The following PRDM5 variants were observed in gnomAD, a reference collection of about 807,000 sequenced individuals.
The protein encoded by PRDM5 is PR domain zinc finger protein 5.
PRDM5 carries 56 observed loss-of-function variants against 81.2 expected under a neutral mutation model. The observed-to-expected ratio is 0.69, with a 90% CI of 0.56 to 0.86. The LOEUF (loss-of-function observed/expected upper bound fraction) is 0.86, where lower values mean the gene tolerates loss of function less well. Ranked by LOEUF, PRDM5 falls within the 40% of genes least tolerant of loss-of-function variation. PRDM5 has a pLI of 0.00. For missense variants in PRDM5, 697 were observed against 770.1 expected (o/e 0.91, Z 1.12); for synonymous variants, 267 against 256.4 (o/e 1.04, Z -0.39).
intron 13 of PRDM5, among the ~76,000 whole-genome samples, chr4:120,767,671 A>C (rs1487019532): frequency 6.6e-6 from 1 of 152,218 alleles, no homozygotes; most frequent in Non-Finnish European, 1.5e-5. Context: ...TTTCCTCTGT[A>C]TGTTACTGCC....
At position 120,831,951 on chromosome 4, in the gene PRDM5, A is replaced by G. The variant is rs549465237; in HGVS notation, c.301-10606T>C. Among the ~76,000 whole-genome samples the G allele has an allele frequency of 4.6e-5, 7 of 152,238 alleles. No individual in the cohort carries two copies. In the South Asian group the frequency reaches 1.5e-3, roughly 32 times the overall value. ...GAGAGTGTCAACTAAATTATTATAT[A>G]AGCAAGTGTGAGGAACAGGCCCCCC... On this transcript the variant is annotated intron_variant, in intron 3 of 15. Transcript: ENST00000264808.
chr4:120,804,035 AG>A (rs1463623462), intron 8 of PRDM5, among the ~76,000 whole-genome samples: 1 of 152,198 alleles, frequency 6.6e-6, no homozygotes, highest in Non-Finnish European at 1.5e-5. Context: ...GAAAACAAAA[AG>A]GCAGGGTTGC....
intron 3 of PRDM5, among the ~76,000 whole-genome samples, chr4:120,823,179 GT>G (rs1335841009): frequency 6.6e-6 from 1 of 152,092 alleles, no homozygotes; most frequent in African/African-American, 2.4e-5. Flanking sequence ...CGTCATCCTA[GT>G]ATATTAGTGA....
chr4:120,694,880 G>T lies in PRDM5; in HGVS notation c.*231C>A. 3 of 512,132 alleles carry T rather than the reference G, an allele frequency of 5.9e-6. No homozygotes were observed. The highest frequency in any genetic ancestry group is 1.1e-5 in the Non-Finnish European group (3 of 284,686). 31.7% of individuals were successfully genotyped at this position (512,132 alleles called of 1,614,324 possible). ...ATTTTTATAAGACAGAGCACAAGTT[G>T]CATTTTGCAAGGCTATGGAGTTGTA... On this transcript the variant is annotated 3_prime_UTR_variant, in exon 16 of 16. Coordinates refer to ENST00000264808, the MANE Select transcript of PRDM5 (RefSeq NM_018699.4).
At chr4:120,776,550 A>G (rs907296) in intron 13 of PRDM5, among the ~76,000 whole-genome samples, 29,597 of 152,116 alleles carry the variant, frequency 0.19, 3,149 homozygotes, top group Non-Finnish European at 0.24. Flanking sequence ...CTGGCTATCA[A>G]TATTAATAGT....
At chr4:120,781,106 C>T (rs750363230) in intron 12 of PRDM5, 37 bp downstream of exon 12, 16 of 1,571,948 alleles carry the variant, frequency 1.0e-5, no homozygotes, top group Admixed American at 6.7e-5. Context: ...TGCTTAAACA[C>T]GTAATCTGTT....
Position 120,723,906 on chromosome 4 carries a change from A to G in PRDM5, c.1624-13493T>C, listed in dbSNP as rs916462316. Among the ~76,000 whole-genome samples, 3 of 148,038 alleles carry G rather than the reference A, an allele frequency of 2.0e-5. No homozygotes were observed. The South Asian group carries it at 6.4e-4, about 32-fold the overall frequency. ...AATGAAAATCAAAGTAAGTCTTACAAATTTAAGATAGCTTGAATTTTTTTT... is the reference window on the plus strand; with the variant it reads ...AATGAAAATCAAAGTAAGTCTTACAGATTTAAGATAGCTTGAATTTTTTTT... On this transcript the variant is annotated intron_variant, in intron 14 of 15. Transcript: ENST00000264808.
downstream of PRDM5, among the ~76,000 whole-genome samples, chr4:120,687,899 G>C (rs563474401): frequency 2.0e-5 from 3 of 152,024 alleles, no homozygotes; most frequent in African/African-American, 7.2e-5. Context: ...TGGACTTCCC[G>C]ACATCCAGAA....
At chr4:120,697,424 A>G (rs1424148007) in intron 15 of PRDM5, among the ~76,000 whole-genome samples, 1 of 152,194 alleles carries the variant, frequency 6.6e-6, no homozygotes, top group Non-Finnish European at 1.5e-5. Context: ...TGAAAATTAC[A>G]AATGACTTAT....
Position 120,885,156 on chromosome 4 carries a change from A to G in PRDM5, c.177+22318T>C, listed in dbSNP as rs1763292159. ...TATCAAAAAAAAAAAAAAAAAAAAA[A>G]GTAAAAAAGAAAAGAAAAGACATAC... On this transcript the variant is annotated intron_variant, in intron 2 of 15. Coordinates refer to ENST00000264808, the MANE Select transcript of PRDM5 (RefSeq NM_018699.4). Among the ~76,000 whole-genome samples, 5 of 130,812 alleles carry G rather than the reference A, an allele frequency of 3.8e-5. No individual in the cohort carries two copies. The South Asian group carries it at 1.1e-3, about 29-fold the overall frequency. 85.8% of individuals were successfully genotyped at this position (130,812 alleles called of 152,430 possible).
chr4:120,794,551 A>ACAT (rs1189812069), intron 10 of PRDM5, among the ~76,000 whole-genome samples: 1 of 150,260 alleles, frequency 6.7e-6, no homozygotes, highest in Non-Finnish European at 1.5e-5. Flanking sequence ...ACACACACAC[A>ACAT]CACACACATA....
intron 2 of PRDM5, among the ~76,000 whole-genome samples, chr4:120,858,581 G>GCGCGCGCA (rs898069455): frequency 2.0e-5 from 3 of 148,468 alleles, no homozygotes; most frequent in African/African-American, 7.3e-5. Context: ...GTGCGTGCGC[G>GCGCGCGCA]CGCACGCACG....
chr4:120,821,393 G>A lies in PRDM5; in HGVS notation c.301-48C>T, dbSNP rs766138102. On this transcript the variant is annotated intron_variant, in intron 3 of 15. Coordinates refer to ENST00000264808, the MANE Select transcript of PRDM5 (RefSeq NM_018699.4). The stretch of plus-strand genomic sequence containing the variant: ...CTGAACCATTCATTTGTTTCTGATA[G>A]TAATTAAGAAATAATTTTAAGATAC... 4.6e-6 allele frequency: 7 copies of A among 1,521,726 alleles called. No individual in the cohort carries two copies. In the South Asian group the frequency reaches 6.8e-5, roughly 15 times the overall value. The allele number at this position is 1,521,726 out of a possible 1,614,324, so 94.3% of individuals were successfully genotyped here. A position where few individuals can be genotyped will look rare whatever the true frequency, so the allele number is the denominator to read the frequency against.
intron 15 of PRDM5, among the ~76,000 whole-genome samples, chr4:120,701,903 T>C (rs1735432316): frequency 6.6e-6 from 1 of 152,220 alleles, no homozygotes; most frequent in Non-Finnish European, 1.5e-5. Flanking sequence ...TGCTGCAATA[T>C]ACATCTCTTC....
At chr4:120,911,186 C>T (rs528983497) in intron 1 of PRDM5, among the ~76,000 whole-genome samples, 1 of 152,272 alleles carries the variant, frequency 6.6e-6, no homozygotes, top group East Asian at 1.9e-4. Flanking sequence ...AAAACTTTTC[C>T]ACTCCAACTG....
chr4:120,904,197 A>AAAAAAAAAAAAC (rs1164103618), intron 2 of PRDM5, among the ~76,000 whole-genome samples: 25 of 145,394 alleles, frequency 1.7e-4, no homozygotes, highest in African/African-American at 6.1e-4. Flanking sequence ...CTCAAAAAAA[A>AAAAAAAAAAAAC]AAAAAAAACA....
intron 14 of PRDM5, among the ~76,000 whole-genome samples, chr4:120,713,126 G>T (rs1208418466): frequency 2.0e-5 from 3 of 152,150 alleles, no homozygotes; most frequent in Non-Finnish European, 1.5e-5. Context: ...CATTAGGTAT[G>T]TAAGTATATA....
At chr4:120,790,427 T>C (rs1211258351) in intron 10 of PRDM5, among the ~76,000 whole-genome samples, 2 of 152,158 alleles carry the variant, frequency 1.3e-5, no homozygotes, top group African/African-American at 4.8e-5. Context: ...TGCATAAAAA[T>C]AGGCAGCCTA....
chr4:120,714,234 A>G lies in PRDM5; in HGVS notation c.1624-3821T>C, dbSNP rs979486473. ...ATCTGTTGGTGGCAAATTGTTTTTG[A>G]CTGAATATGACTACTTTTCTCATTT... On this transcript the variant is annotated intron_variant, in intron 14 of 15. Coordinates refer to ENST00000264808, the MANE Select transcript of PRDM5 (RefSeq NM_018699.4). Among the ~76,000 whole-genome samples the G allele has an allele frequency of 3.9e-5, 6 of 152,264 alleles. No individual in the cohort carries two copies. The South Asian group carries it at 1.2e-3, about 32-fold the overall frequency.
Sources: allele counts gnomAD v4.1 joint callset (sites outside exome capture counted in the v4.1 genomes callset), GRCh38; gene constraint gnomAD v4.1.1; transcripts MANE v1.5; gene names NCBI Gene and HGNC (gene_info 2026-07-23, HGNC 2026-07-21).